Variants in NLGN1 observed in about 807,000 individuals in gnomAD.
The protein encoded by NLGN1 is neuroligin 1.
Under a neutral mutation model 65.5 loss-of-function variants are expected in NLGN1, and 12 were observed. That is an observed-to-expected ratio of 0.18 (90% CI 0.12 to 0.30). The LOEUF (loss-of-function observed/expected upper bound fraction) is 0.30, where lower values mean the gene tolerates loss of function less well. NLGN1 is among the 10% of genes least tolerant of loss of function. The pLI is 1.00. For missense variants in NLGN1, 750 were observed against 1,007.1 expected (o/e 0.74, Z 3.46); for synonymous variants, 350 against 359.5 (o/e 0.97, Z 0.30).
chr3:173,890,081 T>A (rs1579014954), intron 4 of NLGN1, among the ~76,000 whole-genome samples: 2 of 152,250 alleles, frequency 1.3e-5, no homozygotes, highest in East Asian at 3.9e-4. Flanking sequence ...GTAATCATTT[T>A]CTGTTATCCC....
At chr3:174,167,892 T>C (rs903703844) in intron 4 of NLGN1, among the ~76,000 whole-genome samples, 3 of 151,988 alleles carry the variant, frequency 2.0e-5, no homozygotes, top group Admixed American at 2.0e-4. Flanking sequence ...AACGCTTTCC[T>C]CAGTTTAAAA....
intron 4 of NLGN1, among the ~76,000 whole-genome samples, chr3:173,942,998 G>A (rs1001296023): frequency 2.6e-5 from 4 of 152,100 alleles, no homozygotes; most frequent in African/African-American, 7.2e-5. Context: ...GCTGAGATAG[G>A]TGTATTGCTT....
At chr3:173,630,793 C>A (rs1027652) in intron 3 of NLGN1, among the ~76,000 whole-genome samples, 7 of 152,058 alleles carry the variant, frequency 4.6e-5, no homozygotes, top group Non-Finnish European at 1.0e-4. Flanking sequence ...CTTACATTTT[C>A]TTTTACATGC....
chr3:173,812,334 T>C (rs2150479945), intron 4 of NLGN1, among the ~76,000 whole-genome samples: 1 of 152,338 alleles, frequency 6.6e-6, no homozygotes, highest in South Asian at 2.1e-4. Context: ...AATTTATTTT[T>C]ATTCTATTAG....
At chr3:173,447,245 G>C (rs1159163012) in intron 2 of NLGN1, among the ~76,000 whole-genome samples, 1 of 152,152 alleles carries the variant, frequency 6.6e-6, no homozygotes, top group East Asian at 1.9e-4. Flanking sequence ...TTTTGTATAA[G>C]GTGTAAGGAA....
chr3:174,140,454 T>A (rs2152687744), intron 4 of NLGN1, among the ~76,000 whole-genome samples: 1 of 152,294 alleles, frequency 6.6e-6, no homozygotes, highest in South Asian at 2.1e-4. Flanking sequence ...AAGTATTTTA[T>A]ATGAATTATT....
At chr3:173,598,968 C>G (rs899945458) in intron 2 of NLGN1, among the ~76,000 whole-genome samples, 2 of 152,098 alleles carry the variant, frequency 1.3e-5, no homozygotes, top group African/African-American at 4.8e-5. Flanking sequence ...GAGCTGCCCT[C>G]AGGAAGGGTG....
intron 4 of NLGN1, among the ~76,000 whole-genome samples, chr3:174,046,513 C>T (rs919994037): frequency 6.6e-6 from 1 of 152,078 alleles, no homozygotes; most frequent in African/African-American, 2.4e-5. Context: ...CCCAGTGTGA[C>T]ATTTGTTGAA....
chr3:174,226,300 A>C lies in NLGN1; in HGVS notation c.647-49015A>C, dbSNP rs184577445. Among the ~76,000 whole-genome samples, 25 of 152,004 alleles carry C rather than the reference A, an allele frequency of 1.6e-4. 1 individual carries two copies. The highest frequency in any genetic ancestry group is 6.0e-4 in the African/African-American group (25 of 41,430). ...CATTAGCTACTCCCCCTACCCCCTT[A>C]CCCACCACCCCTGGTTATCTAGGTT... On this transcript the variant is annotated intron_variant, in intron 4 of 6. Coordinates refer to ENST00000457714, the Ensembl canonical transcript of NLGN1.
chr3:173,652,169 T>A (rs1474998803), intron 3 of NLGN1, among the ~76,000 whole-genome samples: 1 of 152,168 alleles, frequency 6.6e-6, no homozygotes, highest in Non-Finnish European at 1.5e-5. Context: ...TGGATATTAG[T>A]CCACTGTCAG....
At chr3:173,431,805 A>G (rs747643655) in intron 1 of NLGN1, among the ~76,000 whole-genome samples, 74 of 152,152 alleles carry the variant, frequency 4.9e-4, no homozygotes, top group Non-Finnish European at 1.5e-4. Flanking sequence ...GTATCATGAT[A>G]TATGCCCATC....
At chr3:174,173,412 T>C (rs139489248) in intron 4 of NLGN1, among the ~76,000 whole-genome samples, 74 of 152,206 alleles carry the variant, frequency 4.9e-4, no homozygotes, top group African/African-American at 1.6e-3. Flanking sequence ...GCTTTCAGTT[T>C]TTCCGCTTTC....
chr3:173,736,193 A>G (rs1383248827), intron 3 of NLGN1, among the ~76,000 whole-genome samples: 1 of 152,048 alleles, frequency 6.6e-6, no homozygotes, highest in Non-Finnish European at 1.5e-5. Context: ...TACTTAATAC[A>G]GTATATAGAA....
intron 4 of NLGN1, among the ~76,000 whole-genome samples, chr3:173,893,460 A>G (rs979858693): frequency 5.9e-5 from 9 of 152,200 alleles, no homozygotes; most frequent in Non-Finnish European, 1.5e-5. Context: ...GCCATATGAT[A>G]TAATCCAAGT....
rs544643092 is a variant in NLGN1, at chr3:173,478,083, G to GTTACAAAGATACA, written c.-321+43007_-321+43019dup. Reference sequence around the variant, plus strand: ...TACCCAAAGGAACATAAATCATTCTGTTACAAAGATACATGCATGCATATG... The same window carrying GTTACAAAGATACA: ...TACCCAAAGGAACATAAATCATTCTGTTACAAAGATACATTACAAAGATACATGCATGCATATG... On this transcript the variant is annotated intron_variant, in intron 2 of 6. Coordinates refer to ENST00000457714, the Ensembl canonical transcript of NLGN1. Among the ~76,000 whole-genome samples the GTTACAAAGATACA allele has an allele frequency of 5.4e-3, 819 of 152,154 alleles. 5 individuals carry two copies. Among genetic ancestry groups the GTTACAAAGATACA allele is most frequent in the South Asian group, 0.026 (125 of 4,816 alleles).
chr3:174,220,480 G>A (rs375134929), intron 4 of NLGN1, among the ~76,000 whole-genome samples: 1 of 152,188 alleles, frequency 6.6e-6, no homozygotes, highest in African/African-American at 2.4e-5. Flanking sequence ...AACATTTCCT[G>A]ACAAAGATAT....
At chr3:173,640,352 A>G (rs1279483954) in intron 3 of NLGN1, among the ~76,000 whole-genome samples, 1 of 152,140 alleles carries the variant, frequency 6.6e-6, no homozygotes, top group Non-Finnish European at 1.5e-5. Context: ...AGAATACCAT[A>G]AACATTCTTT....
chr3:173,854,476 C>T (rs1034938111), intron 4 of NLGN1, among the ~76,000 whole-genome samples: 3 of 151,866 alleles, frequency 2.0e-5, no homozygotes, highest in African/African-American at 7.3e-5. Context: ...GCTGTGTCTA[C>T]AATAATAATC....
At chr3:174,273,199 C>A (rs1307239493) in intron 4 of NLGN1, among the ~76,000 whole-genome samples, 1 of 151,584 alleles carries the variant, frequency 6.6e-6, no homozygotes, top group East Asian at 1.9e-4. Flanking sequence ...TGTAAAGATT[C>A]ATTTGAATGT....
Sources: gnomAD v4.1 joint callset for allele counts (sites outside exome capture counted in the v4.1 genomes callset) on GRCh38, gnomAD v4.1.1 for gene constraint, MANE v1.5 for transcripts, NCBI Gene and HGNC (gene_info 2026-07-23, HGNC 2026-07-21) for gene names.